Variants in RNMT observed in about 807,000 individuals in gnomAD.
RNMT encodes the protein RNA guanine-7 methyltransferase.
A neutral mutation model predicts 56.0 loss-of-function variants in RNMT; 27 were observed. The observed-to-expected ratio is 0.48, with a 90% CI of 0.36 to 0.67. The LOEUF is 0.67. Among genes scored for constraint, RNMT ranks in the 30% least tolerant of loss-of-function variants. The pLI is 0.00. For synonymous variants in RNMT, 184 were observed against 176.2 expected (o/e 1.04, Z -0.35); for missense variants, 519 against 552.1 (o/e 0.94, Z 0.60).
At chr18:13,759,912 A>C (rs746333041) in intron 11 of RNMT, 30 bp from the exon 12 acceptor site, 1 of 1,560,218 alleles carries the variant, frequency 6.4e-7, no homozygotes, top group Admixed American at 1.7e-5. Context: ...ATCATATGAG[A>C]AACTGAACTC....
At chr18:13,735,297 A>G (rs2044140243) in intron 4 of RNMT, among the ~76,000 whole-genome samples, 1 of 152,146 alleles carries the variant, frequency 6.6e-6, no homozygotes, top group Non-Finnish European at 1.5e-5. Flanking sequence ...AATTATGGGT[A>G]CTTCCTACTA....
chr18:13,733,847 A>G (rs1477134975), intron 3 of RNMT, among the ~76,000 whole-genome samples: 1 of 152,250 alleles, frequency 6.6e-6, no homozygotes, highest in Non-Finnish European at 1.5e-5. Flanking sequence ...TTATTAAGAC[A>G]TTGACACTAA....
At position 13,760,520 on chromosome 18, in the gene RNMT, T is replaced by C; in HGVS notation, c.*541T>C. ...GCTCATAAAAGTTACTTAGCTAAAA[T>C]TTTAGCAATTTATTGCATTTTGAAA... On this transcript the variant is annotated 3_prime_UTR_variant, in exon 12 of 12. Coordinates refer to ENST00000383314, the MANE Select transcript of RNMT (RefSeq NM_003799.3). 1.0e-6 allele frequency: 1 copy of C among 985,634 alleles called. No homozygotes were observed. The highest frequency in any genetic ancestry group is 1.7e-5 in the African/African-American group (1 of 57,362). The allele number at this position is 985,634 out of a possible 1,614,324, so 61.1% of individuals were successfully genotyped here.
intron 8 of RNMT, chr18:13,742,948 G>A (rs992145382): frequency 4.7e-6 from 1 of 212,832 alleles, no homozygotes; most frequent in Non-Finnish European, 9.1e-6. Context: ...GGCACAAAAT[G>A]CCTGACACTG....
At chr18:13,748,615 C>T (rs2044388761) in intron 9 of RNMT, among the ~76,000 whole-genome samples, 1 of 152,170 alleles carries the variant, frequency 6.6e-6, no homozygotes, top group South Asian at 2.1e-4. Flanking sequence ...ACCAGTACAA[C>T]TTTTCTGCTT....
rs2044636561 is a variant in RNMT, at chr18:13,762,827, T to C, written c.*2848T>C. ...TTTTAGCTTAGTGCCATTATGTCAT[T>C]TTGATTTGTATTCAAGTACTCTTCA... On this transcript the variant is annotated 3_prime_UTR_variant, in exon 12 of 12. Transcript: ENST00000383314. 7.2e-6 allele frequency: 2 copies of C among 279,252 alleles called. No individual in the cohort carries two copies. The highest frequency in any genetic ancestry group is 4.4e-5 in the African/African-American group (2 of 45,822). 17.3% of individuals were successfully genotyped at this position (279,252 alleles called of 1,614,324 possible).
Position 13,752,340 on chromosome 18 carries a change from T to C in RNMT, c.1272T>C (p.Asn424=), listed in dbSNP as rs780809059. 2 of 1,610,976 alleles carry C rather than the reference T, an allele frequency of 1.2e-6. No individual in the cohort carries two copies. The highest frequency in any genetic ancestry group is 1.7e-5 in the Admixed American group (1 of 59,974). The part of the protein sequence containing the change: ...RMQALEPYPA[N]ESSKLVSEKV... ...TCTTTCCCCAGCCATATCCTGCAAA[T>C]GAGAGTTCTAAACTTGTCTCTGAGA... Residue 424 remains asparagine, a synonymous_variant, in exon 10 of 12, where the codon AAT becomes AAC. Transcript: ENST00000383314.
chr18:13,760,458 A>G lies in RNMT; in HGVS notation c.*479A>G, dbSNP rs2044605951. 1.0e-6 allele frequency: 1 copy of G among 985,706 alleles called. No homozygotes were observed. The highest frequency in any genetic ancestry group is 1.2e-6 in the Non-Finnish European group (1 of 829,720). 61.1% of individuals were successfully genotyped at this position (985,706 alleles called of 1,614,324 possible). A position where few individuals can be genotyped will look rare whatever the true frequency, so the allele number is the denominator to read the frequency against. On this transcript the variant is annotated 3_prime_UTR_variant, in exon 12 of 12. Transcript: ENST00000383314. ...AGTTGAATGTAAGTGTTCAATATGT[A>G]TTGCTGAAGTTATAAGTTTAAAACT...
At chr18:13,746,375 G>A in intron 9 of RNMT, 38 bp downstream of exon 9, 3 of 1,201,256 alleles carry the variant, frequency 2.5e-6, no homozygotes, top group South Asian at 1.3e-5. Context: ...TTCAGTCATG[G>A]TGAACTTGTT....
chr18:13,741,929 G>T (rs2044258398), intron 7 of RNMT, among the ~76,000 whole-genome samples: 1 of 152,232 alleles, frequency 6.6e-6, no homozygotes. Context: ...TAGACAAACT[G>T]CAGGTCAGAT....
chr18:13,734,412 A>T (rs370568744), intron 3 of RNMT, 52 bp from the exon 4 acceptor site: 10 of 1,533,418 alleles, frequency 6.5e-6, no homozygotes, highest in Non-Finnish European at 7.9e-6. Context: ...TCTGAGGCTT[A>T]TTTTTACCAT....
At chr18:13,750,842 C>T (rs2044430721) in intron 9 of RNMT, among the ~76,000 whole-genome samples, 1 of 151,964 alleles carries the variant, frequency 6.6e-6, no homozygotes, top group African/African-American at 2.4e-5. Context: ...TTTGACAAAC[C>T]TGACAAAAAC....
intron 5 of RNMT, 84 bp downstream of exon 5, chr18:13,737,219 T>C (rs2044175166): frequency 1.6e-6 from 2 of 1,253,414 alleles, no homozygotes; most frequent in South Asian, 1.5e-5. Context: ...TTGCAAGATA[T>C]CTGGGACTAT....
At chr18:13,732,745 T>C (rs1190064960) in intron 3 of RNMT, among the ~76,000 whole-genome samples, 6 of 49,656 alleles carry the variant, frequency 1.2e-4, no homozygotes, top group Non-Finnish European at 2.7e-4. Flanking sequence ...GCCCCCCCTT[T>C]TTTTTTTTTT....
At chr18:13,745,666 A>G (rs2044338211) in intron 8 of RNMT, among the ~76,000 whole-genome samples, 1 of 151,826 alleles carries the variant, frequency 6.6e-6, no homozygotes, top group Admixed American at 6.6e-5. Flanking sequence ...CAGCTGAACT[A>G]CCGATAGCTG....
rs543741730 is a variant in RNMT, at chr18:13,761,663, A to C, written c.*1684A>C. ...GGTAGAGTTACTAAGGCCTTCAGTG[A>C]ACAGAAAGGAGCAGAGAGCAAGATT... On this transcript the variant is annotated 3_prime_UTR_variant, in exon 12 of 12. Coordinates refer to ENST00000383314, the MANE Select transcript of RNMT (RefSeq NM_003799.3). 8 of 1,021,242 alleles carry C rather than the reference A, an allele frequency of 7.8e-6. No homozygotes were observed. In the East Asian group the frequency reaches 8.3e-4, roughly 107 times the overall value. 63.3% of individuals were successfully genotyped at this position (1,021,242 alleles called of 1,614,324 possible). A position where few individuals can be genotyped will look rare whatever the true frequency, so the allele number is the denominator to read the frequency against.
chr18:13,729,178 C>T (rs1282997675), intron 1 of RNMT, among the ~76,000 whole-genome samples: 3 of 152,188 alleles, frequency 2.0e-5, no homozygotes, highest in Non-Finnish European at 2.9e-5. Flanking sequence ...GATTTCCCAG[C>T]ACCGTTTTTT....
intron 4 of RNMT, 37 bp downstream of exon 4, chr18:13,734,636 C>G: frequency 2.7e-6 from 4 of 1,508,492 alleles, no homozygotes; most frequent in Non-Finnish European, 3.6e-6. Flanking sequence ...TCTTTAATTC[C>G]TATTCATTTA....
rs759605029 is a variant in RNMT at position 13,752,325 on chromosome 18, G to C, written c.1258-1G>C. The stretch of plus-strand genomic sequence containing the variant: ...ACTAGGACTTTCATTTCTTTCCCCA[G>C]CCATATCCTGCAAATGAGAGTTCTA... On this transcript the variant is annotated splice_acceptor_variant, in intron 9 of 11. Coordinates refer to ENST00000383314, the MANE Select transcript of RNMT (RefSeq NM_003799.3). LOFTEE classifies it high-confidence loss of function. 6.3e-7 allele frequency: 1 copy of C among 1,599,038 alleles called. No individual in the cohort carries two copies. The highest frequency in any genetic ancestry group is 8.6e-7 in the Non-Finnish European group (1 of 1,166,822).
Sources: gnomAD v4.1 joint callset for allele counts (sites outside exome capture counted in the v4.1 genomes callset) on GRCh38, gnomAD v4.1.1 for gene constraint, MANE v1.5 for transcripts, NCBI Gene and HGNC (gene_info 2026-07-23, HGNC 2026-07-21) for gene names.